Variants in POLA1 observed in about 807,000 individuals in gnomAD.
The protein encoded by POLA1 is DNA polymerase alpha 1, catalytic subunit.
In POLA1, 15 loss-of-function variants were observed where a neutral mutation model predicts 124.0. That is an observed-to-expected ratio of 0.12 (90% CI 0.08 to 0.19). The LOEUF (loss-of-function observed/expected upper bound fraction) is 0.19. Among genes scored for constraint, POLA1 ranks in the 10% least tolerant of loss-of-function variants. POLA1 has a pLI of 1.00. For synonymous variants in POLA1, 408 were observed against 389.4 expected, an observed-to-expected ratio of 1.05 and a Z score of -0.56; for missense variants, 886 against 1,103.4, an observed-to-expected ratio of 0.80 and a Z score of 2.79.
intron 34 of POLA1, among the ~76,000 whole-genome samples, chrX:24,868,742 CATAGAGAAGATGCACTGTTTTCCATTTTT>C (rs2046827242): frequency 8.9e-6 from 1 of 111,862 alleles, no homozygotes; most frequent in Non-Finnish European, 1.9e-5. Context: ...TGTGAAGGGA[CATAGAGAAGATGCACTGTTTTCCATTTTT>C]CCAAGTAATA....
intron 34 of POLA1, among the ~76,000 whole-genome samples, chrX:24,866,318 T>C (rs1247165022): frequency 8.9e-6 from 1 of 112,051 alleles, no homozygotes; most frequent in East Asian, 2.8e-4. Context: ...TCCTTTTGCC[T>C]TAGTTTTGCT....
chrX:24,837,974 A>G (rs1386007807), intron 32 of POLA1, among the ~76,000 whole-genome samples: 1 of 112,307 alleles, frequency 8.9e-6, no homozygotes, highest in Non-Finnish European at 1.9e-5. Context: ...TCTAATAACA[A>G]TATGTCTCAA....
chrX:24,888,837 G>A (rs1398532487), intron 35 of POLA1, among the ~76,000 whole-genome samples: 1 of 108,450 alleles, frequency 9.2e-6, no homozygotes, highest in Non-Finnish European at 1.9e-5. Context: ...GTCTCCCAAA[G>A]TGCTGGGATT....
intron 36 of POLA1, among the ~76,000 whole-genome samples, chrX:24,952,808 G>GA (rs11573494): frequency 0.038 from 4,257 of 111,301 alleles, 201 homozygotes; most frequent in African/African-American, 0.13. Flanking sequence ...TTAAAAGTTG[G>GA]AAAAAAAATT....
At chrX:24,938,190 GGATCAC>G (rs1300985880) in intron 36 of POLA1, among the ~76,000 whole-genome samples, 1 of 112,365 alleles carries the variant, frequency 8.9e-6, no homozygotes, top group Non-Finnish European at 1.9e-5. Flanking sequence ...TTTGGCAGGT[GGATCAC>G]CTGAGGCCAG....
At chrX:24,934,795 T>C (rs1184993882) in intron 36 of POLA1, among the ~76,000 whole-genome samples, 1 of 112,079 alleles carries the variant, frequency 8.9e-6, no homozygotes, top group African/African-American at 3.3e-5. Context: ...CGATCTTGGC[T>C]CACTGCAACC....
At chrX:24,941,142 C>T (rs951963018) in intron 36 of POLA1, among the ~76,000 whole-genome samples, 2 of 111,789 alleles carry the variant, frequency 1.8e-5, no homozygotes. Context: ...AGTGTTTATG[C>T]TCCCTCTATG....
intron 31 of POLA1, among the ~76,000 whole-genome samples, chrX:24,825,890 T>G (rs927739322): frequency 8.9e-6 from 1 of 111,838 alleles, no homozygotes; most frequent in African/African-American, 3.3e-5. Context: ...ATAGATTTCA[T>G]TTCCCCACTC....
At chrX:24,713,293 C>CT (rs200121382) in intron 4 of POLA1, among the ~76,000 whole-genome samples, 2,261 of 110,968 alleles carry the variant, frequency 0.02, 56 homozygotes, top group African/African-American at 0.071. Context: ...TCATTGTTGG[C>CT]TTTTTTTTGA....
chrX:24,714,032 C>T (rs1399336986), intron 4 of POLA1, among the ~76,000 whole-genome samples: 1 of 112,544 alleles, frequency 8.9e-6, no homozygotes, highest in Non-Finnish European at 1.9e-5. Flanking sequence ...GTTAAGCAGT[C>T]ACACTTATGC....
chrX:24,870,718 A>G (rs2046852929), intron 34 of POLA1, among the ~76,000 whole-genome samples: 1 of 111,875 alleles, frequency 8.9e-6, no homozygotes, highest in African/African-American at 3.3e-5. Context: ...AAGTAAGGCA[A>G]TGGACTAGCA....
chrX:24,744,838 C>T (rs1426236408), intron 23 of POLA1, among the ~76,000 whole-genome samples: 1 of 107,587 alleles, frequency 9.3e-6, no homozygotes, highest in East Asian at 2.9e-4. Flanking sequence ...GTAGTCCCAG[C>T]TATTCGGGAG....
At chrX:24,982,368 T>G (rs866467453) in intron 36 of POLA1, among the ~76,000 whole-genome samples, 1 of 110,828 alleles carries the variant, frequency 9.0e-6, no homozygotes. Flanking sequence ...CTGCCACACA[T>G]AGGATGGATG....
intron 35 of POLA1, among the ~76,000 whole-genome samples, chrX:24,908,322 T>A (rs1311817448): frequency 9.1e-6 from 1 of 109,666 alleles, no homozygotes; most frequent in African/African-American, 3.3e-5. Flanking sequence ...TGTGCCATGC[T>A]GGTGTGCTGC....
intron 26 of POLA1, among the ~76,000 whole-genome samples, chrX:24,792,852 GTCT>G (rs768245281): frequency 1.8e-5 from 2 of 111,676 alleles, no homozygotes; most frequent in African/African-American, 6.5e-5. Flanking sequence ...GGTGGAGGTA[GTCT>G]TCTACTATTT....
At chrX:24,805,545 A>G (rs2045782310) in intron 26 of POLA1, among the ~76,000 whole-genome samples, 2 of 112,306 alleles carry the variant, frequency 1.8e-5, no homozygotes, top group Non-Finnish European at 1.9e-5. Flanking sequence ...ATTACTGGAT[A>G]GATTTGCTAA....
chrX:24,935,806 T>C (rs749764002), intron 36 of POLA1, among the ~76,000 whole-genome samples: 4 of 112,546 alleles, frequency 3.6e-5, no homozygotes, highest in Non-Finnish European at 5.6e-5. Flanking sequence ...CTTTCACGTG[T>C]GTAACACGAG....
At chrX:24,758,194 C>G (rs901405607) in intron 26 of POLA1, among the ~76,000 whole-genome samples, 2 of 110,915 alleles carry the variant, frequency 1.8e-5, no homozygotes, top group Admixed American at 9.6e-5. Context: ...CTTATATATG[C>G]TTGCATTATA....
intron 4 of POLA1, among the ~76,000 whole-genome samples, chrX:24,713,480 G>T (rs1467150583): frequency 1.8e-5 from 2 of 110,740 alleles, no homozygotes; most frequent in African/African-American, 6.6e-5. Flanking sequence ...GCAGTGGCGC[G>T]ATCCCAGCTC....
Sources: allele counts gnomAD v4.1 joint callset (sites outside exome capture counted in the v4.1 genomes callset), GRCh38; gene constraint gnomAD v4.1.1; transcripts MANE v1.5; gene names NCBI Gene and HGNC (gene_info 2026-07-23, HGNC 2026-07-21).